Variants in B4GALT1 observed in about 807,000 individuals in gnomAD.
The protein encoded by B4GALT1 is beta-1,4-galactosyltransferase 1, also known as N-acetyllactosamine synthase.
A neutral mutation model predicts 34.9 loss-of-function variants in B4GALT1; 16 were observed. The observed-to-expected ratio is 0.46, with a 90% CI of 0.31 to 0.70. The LOEUF (loss-of-function observed/expected upper bound fraction) is 0.70. Among genes scored for constraint, B4GALT1 ranks in the 30% least tolerant of loss-of-function variants. The probability of loss-of-function intolerance (pLI) is 0.05; values close to 1 mark genes in which losing one functional copy is unlikely to be tolerated. For synonymous variants in B4GALT1, 221 were observed against 218.1 expected (o/e 1.01, Z -0.12); for missense variants, 445 against 530.5 (o/e 0.84, Z 1.58).
intron 1 of B4GALT1, among the ~76,000 whole-genome samples, chr9:33,152,685 C>T (rs966293118): frequency 6.6e-6 from 1 of 151,964 alleles, no homozygotes; most frequent in Non-Finnish European, 1.5e-5. Flanking sequence ...ACCAGCCTGG[C>T]CAACATGGTG....
At chr9:33,152,346 T>C (rs910298648) in intron 1 of B4GALT1, among the ~76,000 whole-genome samples, 1 of 87,234 alleles carries the variant, frequency 1.1e-5, no homozygotes, top group Non-Finnish European at 2.4e-5. Context: ...TAACATAACA[T>C]AACATAACAT....
chr9:33,169,805 G>A (rs1014088657), upstream of B4GALT1, among the ~76,000 whole-genome samples: 2 of 151,974 alleles, frequency 1.3e-5, no homozygotes, highest in African/African-American at 2.4e-5. Flanking sequence ...ACAGGCGTGA[G>A]CCACCGCGCC....
chr9:33,131,673 G>C (rs1203539327), intron 2 of B4GALT1, among the ~76,000 whole-genome samples: 1 of 152,162 alleles, frequency 6.6e-6, no homozygotes, highest in Non-Finnish European at 1.5e-5. Context: ...AAGCTGAGAG[G>C]CTATAAAGAG....
chr9:33,135,018 CTGTT>C (rs945079609), intron 2 of B4GALT1, among the ~76,000 whole-genome samples, 167 bp downstream of exon 2: 16 of 152,214 alleles, frequency 1.1e-4, no homozygotes, highest in African/African-American at 3.6e-4. Context: ...GGCAAGCACA[CTGTT>C]TGGCGTTTAC....
chr9:33,145,496 G>C (rs1036355492), intron 1 of B4GALT1, among the ~76,000 whole-genome samples: 8 of 152,162 alleles, frequency 5.3e-5, no homozygotes, highest in Non-Finnish European at 1.5e-5. Context: ...TAAGGAAACA[G>C]CACCATGATC....
At position 33,120,552 on chromosome 9, in the gene B4GALT1, C is replaced by T; in HGVS notation, c.703G>A (p.Ala235Thr). 2 of 1,614,212 alleles carry T rather than the reference C, an allele frequency of 1.2e-6. No homozygotes were observed. Among genetic ancestry groups the T allele is most frequent in the Non-Finnish European group, 8.5e-7 (1 of 1,180,042 alleles). The change falls in exon 3 of 6, where the codon GCC (alanine) becomes ACC (threonine). Residue 235 changes from alanine (A) to threonine (T), a missense_variant. Physicochemically the swap from Ala to Thr is moderately conservative, Grantham distance 58 (BLOSUM62 0). This residue lies in a region of B4GALT1 where 349 missense variants were observed against 395.5 expected (regional missense o/e 0.88). Transcript: ENST00000379731. ...AKLLNVGFQE[A>T]LKDYDYTCFV... The stretch of plus-strand genomic sequence containing the variant: ...CAGGTGTAGTCATAGTCCTTCAAGG[C>T]TTCTTGAAAGCCAACATTGAGGAGC...
At chr9:33,153,516 G>A (rs370299359) in intron 1 of B4GALT1, among the ~76,000 whole-genome samples, 1 of 152,058 alleles carries the variant, frequency 6.6e-6, no homozygotes, top group East Asian at 1.9e-4. Context: ...ATTATAATCA[G>A]TAATGAAAGA....
At chr9:33,127,995 G>A (rs1840137476) in intron 2 of B4GALT1, among the ~76,000 whole-genome samples, 1 of 152,184 alleles carries the variant, frequency 6.6e-6, no homozygotes, top group Non-Finnish European at 1.5e-5. Context: ...TGACCAGCAG[G>A]GCCCTGGCTC....
intron 2 of B4GALT1, among the ~76,000 whole-genome samples, chr9:33,132,652 G>T (rs1840210875): frequency 6.6e-6 from 1 of 152,188 alleles, no homozygotes; most frequent in Non-Finnish European, 1.5e-5. Flanking sequence ...AGGACATTCA[G>T]AAATCTACTG....
chr9:33,106,623 A>C (rs1004231464), downstream of B4GALT1, among the ~76,000 whole-genome samples: 3 of 152,216 alleles, frequency 2.0e-5, no homozygotes. Flanking sequence ...CTCCCTCACC[A>C]GGTAGAACTT....
chr9:33,144,845 G>A (rs913993166), intron 1 of B4GALT1, among the ~76,000 whole-genome samples: 15 of 152,234 alleles, frequency 9.9e-5, no homozygotes, highest in African/African-American at 3.4e-4. Context: ...TTCTATGCTG[G>A]GACAGTTCCT....
At chr9:33,139,973 G>A (rs924628434) in intron 1 of B4GALT1, among the ~76,000 whole-genome samples, 9 of 152,236 alleles carry the variant, frequency 5.9e-5, no homozygotes, top group Admixed American at 2.6e-4. Flanking sequence ...CTCAAGCCCC[G>A]CCACGTGGGC....
At chr9:33,168,515 G>A (rs1354490512), upstream of B4GALT1, among the ~76,000 whole-genome samples, 1 of 152,228 alleles carries the variant, frequency 6.6e-6, no homozygotes, top group African/African-American at 2.4e-5. Flanking sequence ...CCATGAAGTA[G>A]GTGGTGTTAC....
In B4GALT1 at chr9:33,167,132, G is replaced by A. The variant is rs764715853; in HGVS notation, c.38C>T (p.Ala13Val). The change falls in exon 1 of 6, where the codon GCG becomes GTG. Residue 13 changes from alanine (A) to valine (V), a missense_variant. Ala to Val is a moderately conservative substitution (Grantham distance 64). Transcript: ENST00000379731. ...LREPLLSGSA[A>V]MPGASLQRAC... is the part of the protein sequence containing the mutation. ...CCGCTGTAGGGACGCGCCTGGCATC[G>A]CGGCGCTGCCGCTCAGGAGCGGCTC... 2 of 1,601,952 alleles carry A rather than the reference G, an allele frequency of 1.2e-6. No homozygotes were observed. The highest frequency in any genetic ancestry group is 1.1e-5 in the South Asian group (1 of 90,266).
Position 33,153,284 on chromosome 9 carries a change from C to G in B4GALT1, c.412+13474G>C, listed in dbSNP as rs565320738. Among the ~76,000 whole-genome samples the G allele has an allele frequency of 3.3e-5, 5 of 152,240 alleles. 1 individual carries two copies. The East Asian group carries it at 9.7e-4, about 29-fold the overall frequency. The stretch of plus-strand genomic sequence containing the variant: ...TATCAAAACGTTTAAAGAGCATGAT[C>G]TTTAAATCTCAAATCAGTAACCTAA... On this transcript the variant is annotated intron_variant, in intron 1 of 5. Transcript: ENST00000379731.
At chr9:33,166,304 T>C (rs1381400673) in intron 1 of B4GALT1, among the ~76,000 whole-genome samples, 1 of 152,202 alleles carries the variant, frequency 6.6e-6, no homozygotes, top group Non-Finnish European at 1.5e-5. Flanking sequence ...AGAGTGGCTC[T>C]ATGGCAAGAC....
At chr9:33,128,759 T>A (rs893566515) in intron 2 of B4GALT1, among the ~76,000 whole-genome samples, 1 of 151,892 alleles carries the variant, frequency 6.6e-6, no homozygotes, top group African/African-American at 2.4e-5. Flanking sequence ...ATGATCAAGA[T>A]AGAAACCAAA....
downstream of B4GALT1, among the ~76,000 whole-genome samples, chr9:33,109,018 G>T (rs1466969192): frequency 6.6e-6 from 1 of 152,116 alleles, no homozygotes; most frequent in Non-Finnish European, 1.5e-5. Context: ...AATTTCCCGG[G>T]TGATAGGAAC....
At chr9:33,140,305 C>T (rs2118184804) in intron 1 of B4GALT1, among the ~76,000 whole-genome samples, 1 of 152,304 alleles carries the variant, frequency 6.6e-6, no homozygotes, top group South Asian at 2.1e-4. Context: ...CAATGTTTCA[C>T]TAGCCCAGGA....
Sources: allele counts gnomAD v4.1 joint callset (sites outside exome capture counted in the v4.1 genomes callset), GRCh38; gene constraint gnomAD v4.1.1; regional missense constraint gnomAD v4.1.1; transcripts MANE v1.5; gene names NCBI Gene and HGNC (gene_info 2026-07-23, HGNC 2026-07-21).